Variants in SLC25A25 observed in about 807,000 individuals in gnomAD.
The protein encoded by SLC25A25 is mitochondrial adenyl nucleotide antiporter SLC25A25.
SLC25A25 carries 32 observed loss-of-function variants against 57.7 expected under a neutral mutation model. The observed-to-expected ratio is 0.55, with a 90% CI of 0.42 to 0.74. SLC25A25 has a LOEUF of 0.74. SLC25A25 is among the 30% of genes least tolerant of loss of function. The pLI, the probability that SLC25A25 is intolerant of heterozygous loss-of-function variation, is 0.00. For synonymous variants in SLC25A25, 306 were observed against 291.2 expected, an observed-to-expected ratio of 1.05 and a Z score of -0.52; for missense variants, 556 against 701.3, an observed-to-expected ratio of 0.79 and a Z score of 2.34.
At position 128,103,807 on chromosome 9, in the gene SLC25A25, G is replaced by T. The variant is rs1446411425; in HGVS notation, c.751G>T (p.Ala251Ser). Residue 251 changes from alanine (A) to serine (S), a missense_variant, in exon 6 of 11, where the codon GCC (alanine) becomes TCC (serine). Ala to Ser is a moderately conservative substitution (Grantham distance 99). Around this residue, in one of 3 missense-constraint regions of SLC25A25, gnomAD observed 294 missense variants for 389.6 expected, o/e 0.75. Coordinates refer to ENST00000373069, the MANE Select transcript of SLC25A25 (RefSeq NM_001330988.2). This position sits in a 1 kb window ranked among gnomAD's most constrained non-coding sequence, Gnocchi z 6.7. The stretch of plus-strand genomic sequence containing the variant: ...AGGGGCCGTATCCAGAACCTGCACG[G>T]CCCCCCTGGACAGGCTCAAGGTGCT... ...GAGAVSRTCT[A>S]PLDRLKVLMQ... 6.2e-7 allele frequency: 1 copy of T among 1,611,278 alleles called. No individual in the cohort carries two copies. Among genetic ancestry groups the T allele is most frequent in the South Asian group, 1.1e-5 (1 of 90,748 alleles).
intron 6 of SLC25A25, 35 bp from the exon 7 acceptor site, chr9:128,105,694 C>T (rs1347241841): frequency 2.5e-6 from 4 of 1,611,404 alleles, no homozygotes; most frequent in Non-Finnish European, 3.4e-6. Context: ...CTGTGGCCCC[C>T]CGGGTCCGTC....
chr9:128,101,341 C>G lies in SLC25A25; in HGVS notation c.421C>G (p.Leu141Val). 1 of 1,614,258 alleles carries G rather than the reference C, an allele frequency of 6.2e-7. No homozygotes were observed. The highest frequency in any genetic ancestry group is 8.5e-7 in the Non-Finnish European group (1 of 1,180,052). Reference sequence around the variant, plus strand: ...TGACGCGCAGGAGATCATGCAGTCCCTGCGGGACTTGGGAGTCAAGATATC... The same window carrying G: ...TGACGCGCAGGAGATCATGCAGTCCGTGCGGGACTTGGGAGTCAAGATATC... ...RIDAQEIMQSLRDLGVKISEQ... is the reference protein window; with the variant it reads ...RIDAQEIMQSVRDLGVKISEQ... Residue 141 changes from leucine (L) to valine (V), a missense_variant, in exon 3 of 11, where the codon CTG becomes GTG. By Grantham distance (32) the Leu-to-Val change is conservative (BLOSUM62 1). Coordinates refer to ENST00000373069, the MANE Select transcript of SLC25A25 (RefSeq NM_001330988.2). The surrounding 1 kb of genome is among the most constrained non-coding windows in gnomAD (Gnocchi z 4.9).
rs1832832161 is a variant in SLC25A25, at chr9:128,068,555, T to G, written c.236T>G (p.Leu79Arg). The change falls in exon 1 of 11, where the codon CTG (leucine) becomes CGG (arginine). Residue 79 changes from leucine to arginine, a missense_variant. Coordinates refer to ENST00000373069, the MANE Select transcript of SLC25A25 (RefSeq NM_001330988.2). ...DLAVGLRRLG[L>R]HRTEGELQKI... ...GCGGTGGGGCTGCGGCGCCTGGGAC[T>G]GCACCGCACCGAGGGCGAGCTCCAG... 1 of 1,432,974 alleles carries G rather than the reference T, an allele frequency of 7.0e-7. No individual in the cohort carries two copies. The highest frequency in any genetic ancestry group is 1.5e-5 in the African/African-American group (1 of 67,306). 88.8% of individuals were successfully genotyped at this position (1,432,974 alleles called of 1,614,324 possible). A position where few individuals can be genotyped will look rare whatever the true frequency, so the allele number is the denominator to read the frequency against.
intron 1 of SLC25A25, among the ~76,000 whole-genome samples, chr9:128,078,975 A>G (rs1010689319): frequency 9.2e-5 from 14 of 152,190 alleles, no homozygotes; most frequent in African/African-American, 3.4e-4. Context: ...CTGGTGGTGC[A>G]CAGGAAGCCG....
chr9:128,106,917 C>A, intron 9 of SLC25A25, 112 bp from the exon 10 acceptor site: 2 of 1,348,360 alleles, frequency 1.5e-6, no homozygotes, highest in Non-Finnish European at 2.0e-6. Context: ...CCCAGCCAGG[C>A]CCCAGGCGCG....
At chr9:128,076,051 T>G (rs548012121) in intron 1 of SLC25A25, among the ~76,000 whole-genome samples, 1 of 152,084 alleles carries the variant, frequency 6.6e-6, no homozygotes, top group Non-Finnish European at 1.5e-5. Context: ...GCCAACTTTT[T>G]ATTTTATTTT....
At chr9:128,073,070 A>G (rs922266025) in intron 1 of SLC25A25, among the ~76,000 whole-genome samples, 2 of 152,214 alleles carry the variant, frequency 1.3e-5, no homozygotes, top group Non-Finnish European at 2.9e-5. Context: ...GCAAGTCAGT[A>G]AAATGATTTT....
intron 1 of SLC25A25, chr9:128,090,958 A>C (rs1833389957): frequency 6.6e-6 from 1 of 152,224 alleles, no homozygotes; most frequent in African/African-American, 2.4e-5. Flanking sequence ...CCTTTTACTC[A>C]GTTCGGTCTA....
chr9:128,074,181 T>G (rs1832961759), intron 1 of SLC25A25, among the ~76,000 whole-genome samples: 1 of 151,980 alleles, frequency 6.6e-6, no homozygotes, highest in Non-Finnish European at 1.5e-5. Context: ...CTGAGATTAC[T>G]GGTGCACACC....
intron 1 of SLC25A25, among the ~76,000 whole-genome samples, chr9:128,079,646 G>A (rs895763963): frequency 2.3e-4 from 34 of 150,034 alleles, no homozygotes; most frequent in African/African-American, 7.9e-4. Flanking sequence ...GCCTGGTGGC[G>A]CATGCCTGTA....
At chr9:128,091,733 G>A (rs1833411642) in intron 1 of SLC25A25, 3 of 1,460,230 alleles carry the variant, frequency 2.1e-6, no homozygotes, top group African/African-American at 2.8e-5. Context: ...GCAGGAAACC[G>A]CCCCTGCATG....
At chr9:128,085,335 A>G (rs2130795985) in intron 1 of SLC25A25, among the ~76,000 whole-genome samples, 1 of 150,498 alleles carries the variant, frequency 6.6e-6, no homozygotes, top group East Asian at 1.9e-4. Flanking sequence ...CCGTCTCAAA[A>G]AAAAAAAAAG....
chr9:128,105,462 C>T (rs753034168), intron 6 of SLC25A25, among the ~76,000 whole-genome samples: 13 of 150,266 alleles, frequency 8.7e-5, no homozygotes, highest in African/African-American at 1.9e-4. Flanking sequence ...TGAGCCACCG[C>T]GCCCAGCCTT....
At position 128,068,454 on chromosome 9, in the gene SLC25A25, C is replaced by T. The variant is rs763537278; in HGVS notation, c.135C>T (p.Asp45=). The T allele has an allele frequency of 2.6e-6, 4 of 1,556,188 alleles. No individual in the cohort carries two copies. The highest frequency in any genetic ancestry group is 1.2e-5 in the South Asian group (1 of 85,872). ...PCGGAICGGP[D]HRLRLWRLFQ... ...GCGGCGCTATCTGCGGGGGCCCGGACCACCGGCTGCGCCTGTGGAGACTCT... is the reference window on the plus strand; with the variant it reads ...GCGGCGCTATCTGCGGGGGCCCGGATCACCGGCTGCGCCTGTGGAGACTCT... The change falls in exon 1 of 11, where the codon GAC becomes GAT. Residue 45 remains aspartate, a synonymous_variant. Transcript: ENST00000373069.
At chr9:128,097,446 T>C (rs1478830085) in intron 1 of SLC25A25, among the ~76,000 whole-genome samples, 1 of 148,726 alleles carries the variant, frequency 6.7e-6, no homozygotes, top group African/African-American at 2.5e-5. Flanking sequence ...CTTTTTTGCA[T>C]GAGACACAGT....
chr9:128,098,603 G>A (rs1423787618), intron 1 of SLC25A25: 2 of 1,614,040 alleles, frequency 1.2e-6, no homozygotes, highest in Non-Finnish European at 8.5e-7. Flanking sequence ...GGTCATCGGG[G>A]AAGCCCAGAC....
rs529073740 is a variant in SLC25A25, at chr9:128,071,793, C to A, written c.261+3213C>A. Among the ~76,000 whole-genome samples, 84 of 152,004 alleles carry A rather than the reference C, an allele frequency of 5.5e-4. 2 individuals carry two copies. Among genetic ancestry groups the A allele is most frequent in the Middle Eastern group, 6.8e-3 (2 of 294 alleles). ...GTGCGATGGTGTGATTTCACTGAAA[C>A]CTCTGCCTCCTGGGTTCAAGCAGTT... On this transcript the variant is annotated intron_variant, in intron 1 of 10. Coordinates refer to ENST00000373069, the MANE Select transcript of SLC25A25 (RefSeq NM_001330988.2).
chr9:128,084,857 A>C (rs1205529069), intron 1 of SLC25A25, among the ~76,000 whole-genome samples: 1 of 152,120 alleles, frequency 6.6e-6, no homozygotes. Flanking sequence ...GCAGGTATTA[A>C]CCTCCTCTTA....
chr9:128,069,504 GT>G (rs1463619634), intron 1 of SLC25A25, among the ~76,000 whole-genome samples: 1 of 152,128 alleles, frequency 6.6e-6, no homozygotes, highest in African/African-American at 2.4e-5. Flanking sequence ...TGCTGAGTTA[GT>G]TTGGTCCATT....
Sources: gnomAD v4.1 joint callset for allele counts (sites outside exome capture counted in the v4.1 genomes callset) on GRCh38, gnomAD v4.1.1 for gene constraint, gnomAD v4.1.1 regional missense constraint, Gnocchi (gnomAD v3.1) non-coding constraint, MANE v1.5 for transcripts, NCBI Gene and HGNC (gene_info 2026-07-23, HGNC 2026-07-21) for gene names.